Variants in MARCHF1 observed in about 807,000 individuals in gnomAD.
MARCHF1 encodes the protein E3 ubiquitin-protein ligase MARCHF1.
Under a neutral mutation model 54.2 loss-of-function variants are expected in MARCHF1, and 40 were observed. That is an observed-to-expected ratio of 0.74 (90% CI 0.57 to 0.96). The LOEUF (loss-of-function observed/expected upper bound fraction) is 0.96, where lower values mean the gene tolerates loss of function less well. Ranked by LOEUF, MARCHF1 falls within the 40% of genes least tolerant of loss-of-function variation. The pLI is 0.00. For synonymous variants in MARCHF1, 236 were observed against 236.3 expected, an observed-to-expected ratio of 1.00 and a Z score of 0.01; for missense variants, 586 against 656.5, an observed-to-expected ratio of 0.89 and a Z score of 1.17.
At chr4:164,052,147 G>GT (rs35280070) in intron 2 of MARCHF1, among the ~76,000 whole-genome samples, 102,017 of 148,718 alleles carry the variant, frequency 0.69, 35,682 homozygotes, top group Non-Finnish European at 0.77. Flanking sequence ...TTTTTTTTTT[G>GT]TTTTTTTTGT....
At chr4:163,893,133 C>T (rs71614779) in intron 3 of MARCHF1, among the ~76,000 whole-genome samples, 5,271 of 151,400 alleles carry the variant, frequency 0.035, 115 homozygotes, top group Middle Eastern at 0.1. Context: ...CCCAACCTTA[C>T]ATACTTTAAA....
chr4:163,728,681 G>A (rs910475243), intron 4 of MARCHF1, among the ~76,000 whole-genome samples: 2 of 152,044 alleles, frequency 1.3e-5, no homozygotes, highest in African/African-American at 4.8e-5. Context: ...CACTTCCTAG[G>A]TTTAGCCTTT....
At chr4:164,211,906 C>T (rs1356377090) in intron 1 of MARCHF1, among the ~76,000 whole-genome samples, 1 of 151,892 alleles carries the variant, frequency 6.6e-6, no homozygotes, top group Non-Finnish European at 1.5e-5. Context: ...GGAGGATGCT[C>T]CAACATGTTT....
At chr4:163,621,888 G>C (rs1402814340) in intron 5 of MARCHF1, among the ~76,000 whole-genome samples, 2 of 152,132 alleles carry the variant, frequency 1.3e-5, no homozygotes, top group African/African-American at 2.4e-5. Context: ...CCAAGAGCAC[G>C]ACTCTTGTTC....
intron 1 of MARCHF1, among the ~76,000 whole-genome samples, chr4:164,350,680 C>T (rs1162088962): frequency 1.3e-5 from 2 of 152,184 alleles, no homozygotes. Context: ...CCAATCTAGC[C>T]TCATATACCA....
intron 1 of MARCHF1, among the ~76,000 whole-genome samples, chr4:164,134,996 T>C (rs1454772590): frequency 6.6e-6 from 1 of 152,204 alleles, no homozygotes; most frequent in Non-Finnish European, 1.5e-5. Flanking sequence ...CACATTTTAT[T>C]TTGTCCTTTG....
At chr4:163,928,665 C>G (rs914455842) in intron 3 of MARCHF1, among the ~76,000 whole-genome samples, 2 of 151,758 alleles carry the variant, frequency 1.3e-5, no homozygotes, top group Non-Finnish European at 2.9e-5. Context: ...TTGAACAAAA[C>G]GTTAAAATTC....
intron 3 of MARCHF1, among the ~76,000 whole-genome samples, chr4:163,972,847 G>A (rs967807889): frequency 1.9e-4 from 29 of 151,906 alleles, no homozygotes; most frequent in African/African-American, 3.6e-4. Flanking sequence ...GTGAGCCACC[G>A]CGCCCGGCCT....
Position 164,384,014 on chromosome 4 carries a change from G to C in MARCHF1, c.-467C>G, listed in dbSNP as rs1487863558. 1 of 152,256 alleles carries C rather than the reference G, an allele frequency of 6.6e-6. No individual in the cohort carries two copies. Among genetic ancestry groups the C allele is most frequent in the African/African-American group, 2.4e-5 (1 of 41,424 alleles). The allele number at this position is 152,256 out of a possible 1,614,324, so 9.4% of individuals were successfully genotyped here. A position where few individuals can be genotyped will look rare whatever the true frequency, so the allele number is the denominator to read the frequency against. On this transcript the variant is annotated 5_prime_UTR_variant, in exon 1 of 10. Transcript: ENST00000514618. ...CGAGCAGCCGGGTGGCAGGCAGCCC[G>C]GCTCTGGCTCGGCTCCCCAGTCCTC...
At chr4:163,733,227 GTATATA>G (rs1241873225) in intron 4 of MARCHF1, among the ~76,000 whole-genome samples, 1 of 13,818 alleles carries the variant, frequency 7.2e-5, no homozygotes, top group Non-Finnish European at 1.9e-4. Flanking sequence ...ATATACACGT[GTATATA>G]TATATATACA....
intron 9 of MARCHF1, among the ~76,000 whole-genome samples, chr4:163,538,070 C>G (rs1738598800): frequency 6.6e-6 from 1 of 152,092 alleles, no homozygotes; most frequent in Admixed American, 6.5e-5. Flanking sequence ...ATGCTGCAGC[C>G]TTAAAGTCTA....
At chr4:163,868,203 T>A (rs996341946) in intron 3 of MARCHF1, among the ~76,000 whole-genome samples, 1 of 151,652 alleles carries the variant, frequency 6.6e-6, no homozygotes, top group Non-Finnish European at 1.5e-5. Flanking sequence ...ATATCAAATA[T>A]CAATATCAAA....
chr4:163,605,478 C>T (rs1185300981), intron 7 of MARCHF1, among the ~76,000 whole-genome samples: 1 of 152,070 alleles, frequency 6.6e-6, no homozygotes, highest in Non-Finnish European at 1.5e-5. Flanking sequence ...TTAGTTTAAC[C>T]ATTGTGGAAG....
intron 5 of MARCHF1, among the ~76,000 whole-genome samples, chr4:163,645,302 C>A (rs1030222807): frequency 4.6e-5 from 7 of 152,170 alleles, no homozygotes; most frequent in African/African-American, 1.4e-4. Context: ...AGCCATGTGA[C>A]CTGACTCCAG....
At chr4:163,773,701 A>G (rs764638228) in intron 4 of MARCHF1, among the ~76,000 whole-genome samples, 1 of 152,198 alleles carries the variant, frequency 6.6e-6, no homozygotes, top group Non-Finnish European at 1.5e-5. Context: ...CACAGGGACA[A>G]CAGCCTCAAG....
At chr4:163,539,219 C>G (rs900155917) in intron 9 of MARCHF1, among the ~76,000 whole-genome samples, 1 of 152,012 alleles carries the variant, frequency 6.6e-6, no homozygotes, top group African/African-American at 2.4e-5. Context: ...CAGAGTTTCA[C>G]CATGTTGGCC....
chr4:163,550,281 CAAAAAAA>C (rs60320461), intron 8 of MARCHF1, among the ~76,000 whole-genome samples: 4 of 105,136 alleles, frequency 3.8e-5, no homozygotes, highest in Non-Finnish European at 5.9e-5. Context: ...GACTCCGTCT[CAAAAAAA>C]AAAAAAAAAA....
chr4:164,167,840 G>A (rs931750573), intron 1 of MARCHF1, among the ~76,000 whole-genome samples: 3 of 151,942 alleles, frequency 2.0e-5, no homozygotes, highest in South Asian at 2.1e-4. Context: ...ACATAGAAGA[G>A]CTTCTTGACA....
intron 1 of MARCHF1, among the ~76,000 whole-genome samples, chr4:164,307,270 T>C (rs1414289111): frequency 6.6e-6 from 1 of 152,218 alleles, no homozygotes; most frequent in East Asian, 1.9e-4. Flanking sequence ...AGTATTTACC[T>C]ACAAAGCTTT....
Sources: gnomAD v4.1 joint callset for allele counts (sites outside exome capture counted in the v4.1 genomes callset) on GRCh38, gnomAD v4.1.1 for gene constraint, MANE v1.5 for transcripts, NCBI Gene and HGNC (gene_info 2026-07-23, HGNC 2026-07-21) for gene names.